Variants in OTUD7A observed in about 807,000 individuals in gnomAD.
The protein encoded by OTUD7A is OTU deubiquitinase 7A, also known as OTU domain-containing protein 7A.
In OTUD7A, 12 loss-of-function variants were observed where a neutral mutation model predicts 65.7. The observed-to-expected ratio is 0.18, with a 90% CI of 0.12 to 0.30. The LOEUF is 0.30. Ranked by LOEUF, OTUD7A falls within the 10% of genes least tolerant of loss-of-function variation. The pLI, the probability that OTUD7A is intolerant of heterozygous loss-of-function variation, is 1.00. For missense variants in OTUD7A, 1,148 were observed against 1,304.8 expected, an observed-to-expected ratio of 0.88 and a Z score of 1.85; for synonymous variants, 641 against 586.3, an observed-to-expected ratio of 1.09 and a Z score of -1.35.
intron 1 of OTUD7A, among the ~76,000 whole-genome samples, chr15:31,793,651 T>C (rs1895877188): frequency 6.6e-6 from 1 of 152,190 alleles, no homozygotes; most frequent in East Asian, 1.9e-4. Context: ...GTGGAAGGCT[T>C]AATGGAAGGA....
chr15:31,537,835 G>A (rs1209341718), intron 5 of OTUD7A, among the ~76,000 whole-genome samples: 2 of 152,210 alleles, frequency 1.3e-5, no homozygotes, highest in East Asian at 1.9e-4. Context: ...GGAGTATAGG[G>A]AACATGAGTA....
intron 1 of OTUD7A, among the ~76,000 whole-genome samples, chr15:31,660,755 T>C (rs1892138316): frequency 1.3e-5 from 2 of 152,238 alleles, no homozygotes; most frequent in African/African-American, 4.8e-5. Context: ...AAAGTGGCTA[T>C]AGGAATGTCT....
intron 3 of OTUD7A, among the ~76,000 whole-genome samples, chr15:31,654,757 G>C (rs1220533995): frequency 1.3e-5 from 2 of 152,130 alleles, no homozygotes; most frequent in African/African-American, 2.4e-5. Flanking sequence ...CTGTCTTCTT[G>C]CTTGTGAATT....
chr15:31,602,690 T>C (rs531255552), intron 3 of OTUD7A, among the ~76,000 whole-genome samples: 32 of 152,352 alleles, frequency 2.1e-4, no homozygotes, highest in African/African-American at 6.7e-4. Context: ...AACATGATTG[T>C]ATATTTAGAA....
rs753111470 is a variant in OTUD7A at position 31,501,769 on chromosome 15, C to T, written c.1092G>A (p.Ser364=). The change falls in exon 10 of 13, where the codon TCG becomes TCA. Residue 364 remains serine (S), a synonymous_variant. Coordinates refer to ENST00000307050, the MANE Select transcript of OTUD7A (RefSeq NM_001382637.1). ...CTTGATCATAGGCCAGAACCAGAGG[C>T]GAGCAGTGGCATCTGTTGGGAGGGA... The part of the protein sequence containing the change: ...LEVPPNRCHC[S]PLVLAYDQAH... The T allele has an allele frequency of 8.8e-5, 142 of 1,614,030 alleles. No individual in the cohort carries two copies. The highest frequency in any genetic ancestry group is 1.2e-4 in the Non-Finnish European group (136 of 1,180,008).
chr15:31,520,910 G>A (rs1229388005), intron 8 of OTUD7A, among the ~76,000 whole-genome samples: 2 of 152,104 alleles, frequency 1.3e-5, no homozygotes, highest in Non-Finnish European at 2.9e-5. Flanking sequence ...ATTAGATAAA[G>A]AAAATGTATA....
chr15:31,518,676 G>T (rs991700079), intron 8 of OTUD7A, among the ~76,000 whole-genome samples: 1 of 152,186 alleles, frequency 6.6e-6, no homozygotes, highest in Non-Finnish European at 1.5e-5. Context: ...CTTTTCACAG[G>T]TGCAAGGTTC....
intron 1 of OTUD7A, among the ~76,000 whole-genome samples, chr15:31,660,931 G>C (rs765196846): frequency 5.3e-5 from 8 of 152,232 alleles, no homozygotes; most frequent in Non-Finnish European, 1.2e-4. Flanking sequence ...CTGAGGCTCG[G>C]AGAAGGCACA....
At chr15:31,763,825 A>G (rs1895034847) in intron 1 of OTUD7A, among the ~76,000 whole-genome samples, 1 of 152,220 alleles carries the variant, frequency 6.6e-6, no homozygotes, top group African/African-American at 2.4e-5. Context: ...TAAATAGGAG[A>G]ACAACCCTCT....
At chr15:31,697,355 A>G (rs1449106904) in intron 1 of OTUD7A, among the ~76,000 whole-genome samples, 1 of 143,854 alleles carries the variant, frequency 7.0e-6, no homozygotes, top group African/African-American at 2.6e-5. Context: ...ACTCACCCAC[A>G]TTACTTTCTG....
intron 1 of OTUD7A, among the ~76,000 whole-genome samples, chr15:31,823,293 C>T (rs1030070598): frequency 3.3e-5 from 5 of 152,120 alleles, no homozygotes; most frequent in South Asian, 2.1e-4. Flanking sequence ...AGCTGGGCTT[C>T]GAGGGAGGAG....
intron 5 of OTUD7A, among the ~76,000 whole-genome samples, chr15:31,549,124 AG>A (rs1447315494): frequency 7.1e-6 from 1 of 140,896 alleles, no homozygotes; most frequent in Non-Finnish European, 1.5e-5. Context: ...AGACAGAGCG[AG>A]GCCTTGTCTC....
chr15:31,586,005 G>C (rs1312337317), intron 3 of OTUD7A, among the ~76,000 whole-genome samples: 4 of 152,196 alleles, frequency 2.6e-5, no homozygotes, highest in Admixed American at 6.5e-5. Context: ...CATTAAAATA[G>C]AAGAAAGGCA....
chr15:31,863,538 T>G (rs2141019531), intron 1 of OTUD7A, among the ~76,000 whole-genome samples: 1 of 152,346 alleles, frequency 6.6e-6, no homozygotes, highest in African/African-American at 2.4e-5. Context: ...GGTTTGAGGC[T>G]TCCACCCTCT....
chr15:31,596,000 C>G (rs1343727440), intron 3 of OTUD7A, among the ~76,000 whole-genome samples: 3 of 152,150 alleles, frequency 2.0e-5, no homozygotes, highest in Non-Finnish European at 4.4e-5. Context: ...CTGTGTCTTC[C>G]TCTTTTGCTT....
intron 2 of OTUD7A, among the ~76,000 whole-genome samples, chr15:31,656,638 CCT>C (rs34502153): frequency 0.19 from 28,989 of 151,968 alleles, 2,976 homozygotes; most frequent in East Asian, 0.25. Context: ...TGATGACTGT[CCT>C]CTGTTCTTTC....
At chr15:31,755,080 T>TGA (rs991543443) in intron 1 of OTUD7A, among the ~76,000 whole-genome samples, 7 of 150,182 alleles carry the variant, frequency 4.7e-5, no homozygotes, top group Non-Finnish European at 7.4e-5. Context: ...TGTGTGTGTG[T>TGA]GAAAGAGAGA....
intron 3 of OTUD7A, among the ~76,000 whole-genome samples, chr15:31,609,386 G>C (rs1224565482): frequency 6.6e-6 from 1 of 152,210 alleles, no homozygotes; most frequent in East Asian, 1.9e-4. Flanking sequence ...CAGGCACACG[G>C]TGGAAGTGAG....
Position 31,847,967 on chromosome 15 carries a change from A to G in OTUD7A, c.-100+22540T>C, listed in dbSNP as rs116210194. On this transcript the variant is annotated intron_variant, in intron 1 of 12. Transcript: ENST00000307050. ...CATGAGAACAGCAAGAGGGAAGTCT[A>G]CCCCCATGATCCAGTCACCTCCCAG... is the stretch of plus-strand genomic sequence containing the variant. 7.0e-3 allele frequency among the ~76,000 whole-genome samples: 1,067 copies of G among 152,224 alleles called. 15 individuals are homozygous for G. Among genetic ancestry groups the G allele is most frequent in the African/African-American group, 0.025 (1,027 of 41,526 alleles).
Sources: allele counts gnomAD v4.1 joint callset (sites outside exome capture counted in the v4.1 genomes callset), GRCh38; gene constraint gnomAD v4.1.1; transcripts MANE v1.5; gene names NCBI Gene and HGNC (gene_info 2026-07-23, HGNC 2026-07-21).